Variants in FREM2 observed in about 807,000 individuals in gnomAD.
The protein encoded by FREM2 is FRAS1 related extracellular matrix 2.
Under a neutral mutation model 219.9 loss-of-function variants are expected in FREM2, and 119 were observed. That is an observed-to-expected ratio of 0.54 (90% confidence interval 0.47 to 0.63). FREM2 has a LOEUF of 0.63. Ranked by LOEUF, FREM2 falls within the 30% of genes least tolerant of loss-of-function variation. The pLI is 0.00. For missense variants in FREM2, 4,030 were observed against 3,993.6 expected (o/e 1.01, Z -0.25); for synonymous variants, 1,562 against 1,522.8 (o/e 1.03, Z -0.60).
At chr13:38,860,998 C>T (rs1877741416) in intron 14 of FREM2, among the ~76,000 whole-genome samples, 1 of 152,126 alleles carries the variant, frequency 6.6e-6, no homozygotes, top group South Asian at 2.1e-4. Context: ...GTAATGTAAA[C>T]ATAACTAATG....
chr13:38,806,117 G>A (rs1875216568), intron 6 of FREM2, among the ~76,000 whole-genome samples: 1 of 151,632 alleles, frequency 6.6e-6, no homozygotes. Context: ...TTGTGAGGGT[G>A]AGTGAGTCAT....
intron 6 of FREM2, among the ~76,000 whole-genome samples, chr13:38,797,963 C>A (rs1874859483): frequency 6.6e-6 from 1 of 151,932 alleles, no homozygotes; most frequent in African/African-American, 2.4e-5. Context: ...AATTCCTTTT[C>A]TTTCTTTCTC....
chr13:38,716,767 C>T lies in FREM2; in HGVS notation c.5263+18980C>T, dbSNP rs143316750. Among the ~76,000 whole-genome samples, 605 of 152,314 alleles carry T rather than the reference C, an allele frequency of 4.0e-3. 4 individuals are homozygous for T. The highest frequency in any genetic ancestry group is 0.014 in the African/African-American group (582 of 41,560). ...AGGTAATCCTCCCGCCTCGGCCTCC[C>T]AAAGTGCTGGGATTATAGGCGTGAG... On this transcript the variant is annotated intron_variant, in intron 2 of 23. Transcript: ENST00000280481.
At chr13:38,814,303 T>G (rs879684941) in intron 6 of FREM2, among the ~76,000 whole-genome samples, 3 of 152,210 alleles carry the variant, frequency 2.0e-5, no homozygotes, top group Admixed American at 6.6e-5. Context: ...ATTGTGGTTT[T>G]CACAGTCTGG....
In FREM2 at chr13:38,789,482, CAATTT is replaced by C. The variant is rs536684124; in HGVS notation, c.6019+4676_6019+4680del. Among the ~76,000 whole-genome samples the C allele has an allele frequency of 2.0e-3, 305 of 150,432 alleles. 1 individual carries two copies. Among genetic ancestry groups the C allele is most frequent in the African/African-American group, 6.7e-3 (276 of 41,158 alleles). On this transcript the variant is annotated intron_variant, in intron 6 of 23. Coordinates refer to ENST00000280481, the MANE Select transcript of FREM2 (RefSeq NM_207361.6). The stretch of plus-strand genomic sequence containing the variant: ...GTCTGTCTCTTTTCCTTTTCTCTTT[CAATTT>C]ATCTTTCCAGAAGTTTGTATATTTT...
At chr13:38,789,670 T>A (rs1169034787) in intron 6 of FREM2, among the ~76,000 whole-genome samples, 1 of 151,624 alleles carries the variant, frequency 6.6e-6, no homozygotes, top group East Asian at 1.9e-4. Context: ...TCTCTATATC[T>A]ATTTGCTACT....
chr13:38,734,090 TATTTA>T lies in FREM2; in HGVS notation c.5264-30212_5264-30208del, dbSNP rs1266463856. Among the ~76,000 whole-genome samples the T allele has an allele frequency of 2.0e-5, 3 of 152,006 alleles. No individual in the cohort carries two copies. In the East Asian group the frequency reaches 5.8e-4, roughly 29 times the overall value. On this transcript the variant is annotated intron_variant, in intron 2 of 23. Coordinates refer to ENST00000280481, the MANE Select transcript of FREM2 (RefSeq NM_207361.6). The stretch of plus-strand genomic sequence containing the variant: ...ATCACCTTATGATTAACTGTATTCT[TATTTA>T]AGAAAAAAAGTCAAGTGGACAAACC...
chr13:38,817,865 A>G (rs1875830970), intron 6 of FREM2, among the ~76,000 whole-genome samples: 1 of 152,110 alleles, frequency 6.6e-6, no homozygotes, highest in African/African-American at 2.4e-5. Context: ...AACAACAATA[A>G]CAATATTAAT....
chr13:38,805,434 A>G (rs1181853946), intron 6 of FREM2, among the ~76,000 whole-genome samples: 1 of 151,936 alleles, frequency 6.6e-6, no homozygotes, highest in Non-Finnish European at 1.5e-5. Context: ...AGTCTAGGGA[A>G]AGAAAGATGG....
chr13:38,850,737 A>G (rs1000225066), intron 9 of FREM2, among the ~76,000 whole-genome samples: 6 of 152,222 alleles, frequency 3.9e-5, no homozygotes, highest in African/African-American at 4.8e-5. Flanking sequence ...GAAATTCCCC[A>G]TACGAATAAG....
At chr13:38,771,043 T>A (rs1437925354) in intron 4 of FREM2, among the ~76,000 whole-genome samples, 1 of 152,164 alleles carries the variant, frequency 6.6e-6, no homozygotes, top group African/African-American at 2.4e-5. Context: ...AAAGATACAA[T>A]CTACAGAGTA....
At chr13:38,763,142 G>A (rs1298604182) in intron 2 of FREM2, among the ~76,000 whole-genome samples, 1 of 152,148 alleles carries the variant, frequency 6.6e-6, no homozygotes, top group African/African-American at 2.4e-5. Flanking sequence ...CAAAAGGCTT[G>A]TGCTAATTTG....
chr13:38,807,843 G>A lies in FREM2; in HGVS notation c.6019+23035G>A, dbSNP rs139097579. 6.6e-3 allele frequency among the ~76,000 whole-genome samples: 1,006 copies of A among 151,958 alleles called. 9 individuals are homozygous for A. The highest frequency in any genetic ancestry group is 0.023 in the African/African-American group (959 of 41,484). On this transcript the variant is annotated intron_variant, in intron 6 of 23. Transcript: ENST00000280481. ...AAGGTTTTCTGATTGGTAAATGACCGTTGGCTTCAACCTAAAGTTACCAGC... is the reference window on the plus strand; with the variant it reads ...AAGGTTTTCTGATTGGTAAATGACCATTGGCTTCAACCTAAAGTTACCAGC...
Position 38,859,405 on chromosome 13 carries a change from G to A in FREM2, c.7334G>A (p.Gly2445Asp). Residue 2445 changes from glycine to aspartate, a missense_variant, in exon 14 of 24, where the codon GGT becomes GAT. Gly to Asp is a moderately conservative substitution (Grantham distance 94). This residue lies in a region of FREM2 where 928 missense variants were observed against 1,042.9 expected (regional missense o/e 0.89). Coordinates refer to ENST00000280481, the MANE Select transcript of FREM2 (RefSeq NM_207361.6). ...ATTAGTGCACCTGCGGGCCCTGACG[G>A]TGTGACCAGCCCTATGAGAGAAGTG... ...WLISAPAGPD[G>D]VTSPMREVDF... is the part of the protein sequence containing the mutation. 9 of 1,614,184 alleles carry A rather than the reference G, an allele frequency of 5.6e-6. No homozygotes were observed. The highest frequency in any genetic ancestry group is 7.6e-6 in the Non-Finnish European group (9 of 1,180,030).
At chr13:38,812,290 C>T (rs1360917399) in intron 6 of FREM2, among the ~76,000 whole-genome samples, 1 of 152,026 alleles carries the variant, frequency 6.6e-6, no homozygotes, top group African/African-American at 2.4e-5. Flanking sequence ...GGTCCATTTA[C>T]ATTTAAGGTT....
intron 2 of FREM2, among the ~76,000 whole-genome samples, chr13:38,736,264 C>T (rs1355095961): frequency 1.3e-5 from 2 of 152,054 alleles, no homozygotes; most frequent in Non-Finnish European, 2.9e-5. Context: ...TGTTTTCTGG[C>T]CTTAGGGAGC....
chr13:38,691,686 G>A lies in FREM2; in HGVS notation c.4342G>A (p.Asp1448Asn), dbSNP rs1007755882. Residue 1448 changes from aspartate to asparagine, a missense_variant, in exon 1 of 24, where the codon GAC (aspartate) becomes AAC (asparagine). By Grantham distance (23) the Asp-to-Asn change is conservative (BLOSUM62 1). This residue lies in a region of FREM2 where 3,102 missense variants were observed against 2,950.7 expected (regional missense o/e 1.05). Transcript: ENST00000280481. ...TACAACAGACCTACTAAGCACTAGT[G>A]ACTTGAACAGTCCTGATGAAAACTT... ...TLTTDLLSTSDLNSPDENLVF... is the reference protein window; with the variant it reads ...TLTTDLLSTSNLNSPDENLVF... 3 of 1,614,070 alleles carry A rather than the reference G, an allele frequency of 1.9e-6. No homozygotes were observed. The highest frequency in any genetic ancestry group is 2.5e-6 in the Non-Finnish European group (3 of 1,179,992).
At chr13:38,714,070 A>C (rs528298705) in intron 2 of FREM2, among the ~76,000 whole-genome samples, 1 of 152,188 alleles carries the variant, frequency 6.6e-6, no homozygotes, top group Non-Finnish European at 1.5e-5. Context: ...ACCAGCTTTG[A>C]GTTGTTGGCA....
At position 38,883,688 on chromosome 13, in the gene FREM2, T is replaced by C. The variant is rs188883644; in HGVS notation, c.*2901T>C. On this transcript the variant is annotated 3_prime_UTR_variant, in exon 24 of 24. Coordinates refer to ENST00000280481, the MANE Select transcript of FREM2 (RefSeq NM_207361.6). ...CTCCACTTGCTGTCCTTGGGAAGGT[T>C]ATAACTGAATGCAGCTCTTTATTTG... The C allele has an allele frequency of 6.6e-6, 1 of 152,268 alleles. No homozygotes were observed. Among genetic ancestry groups the C allele is most frequent in the East Asian group, 1.9e-4 (1 of 5,180 alleles). The allele number at this position is 152,268 out of a possible 1,614,324, so 9.4% of individuals were successfully genotyped here.
Sources: gnomAD v4.1 joint callset for allele counts (sites outside exome capture counted in the v4.1 genomes callset) on GRCh38, gnomAD v4.1.1 for gene constraint, gnomAD v4.1.1 regional missense constraint, MANE v1.5 for transcripts, NCBI Gene and HGNC (gene_info 2026-07-23, HGNC 2026-07-21) for gene names.